The following KCNIP4 variants were observed in gnomAD, a reference collection of about 807,000 sequenced individuals.
KCNIP4 encodes Kv channel-interacting protein 4.
A neutral mutation model predicts 34.0 loss-of-function variants in KCNIP4; 12 were observed. The observed-to-expected ratio is 0.35, with a 90% confidence interval of 0.23 to 0.57. The LOEUF (loss-of-function observed/expected upper bound fraction) is 0.57, where lower values mean the gene tolerates loss of function less well. KCNIP4 is among the 20% of genes least tolerant of loss of function. KCNIP4 has a pLI of 0.83. For synonymous variants in KCNIP4, 124 were observed against 102.2 expected (o/e 1.21, Z -1.29); for missense variants, 238 against 311.7 (o/e 0.76, Z 1.78).
chr4:21,794,207 G>A (rs35937671), intron 1 of KCNIP4, among the ~76,000 whole-genome samples: 11,845 of 152,024 alleles, frequency 0.078, 541 homozygotes, highest in Middle Eastern at 0.14. Flanking sequence ...CACCAACATG[G>A]CATATGCATA....
chr4:21,062,585 C>T (rs1480572969), intron 1 of KCNIP4, among the ~76,000 whole-genome samples: 1 of 151,768 alleles, frequency 6.6e-6, no homozygotes, highest in Non-Finnish European at 1.5e-5. Context: ...GAAACTGGCA[C>T]ACAATTATAG....
chr4:21,791,384 G>T (rs764495337), intron 1 of KCNIP4, among the ~76,000 whole-genome samples: 1 of 152,164 alleles, frequency 6.6e-6, no homozygotes, highest in East Asian at 1.9e-4. Context: ...CACAGGAATT[G>T]CGGGGCAGAA....
chr4:21,393,463 C>G (rs145978084), intron 1 of KCNIP4, among the ~76,000 whole-genome samples: 1 of 152,026 alleles, frequency 6.6e-6, no homozygotes, highest in East Asian at 1.9e-4. Context: ...TGGCACCACC[C>G]ATTTTCAGAA....
intron 1 of KCNIP4, among the ~76,000 whole-genome samples, chr4:21,005,588 C>A (rs1235877655): frequency 6.6e-6 from 1 of 151,772 alleles, no homozygotes; most frequent in South Asian, 2.1e-4. Flanking sequence ...TTTTTTTCTA[C>A]ATATAACCTG....
At chr4:21,260,733 T>C (rs2109103895) in intron 1 of KCNIP4, among the ~76,000 whole-genome samples, 1 of 152,314 alleles carries the variant, frequency 6.6e-6, no homozygotes, top group Non-Finnish European at 1.5e-5. Context: ...GCTTCAGACA[T>C]TCACTGATGA....
At chr4:21,054,908 T>C (rs1471671129) in intron 1 of KCNIP4, among the ~76,000 whole-genome samples, 1 of 152,130 alleles carries the variant, frequency 6.6e-6, no homozygotes, top group Non-Finnish European at 1.5e-5. Context: ...TTGGAAATCA[T>C]TCATATGTTG....
chr4:20,833,152 T>C (rs1246132820), intron 3 of KCNIP4, among the ~76,000 whole-genome samples: 3 of 152,264 alleles, frequency 2.0e-5, no homozygotes, highest in African/African-American at 7.2e-5. Flanking sequence ...TGATATGACC[T>C]ATTACATGTG....
chr4:21,904,072 C>G (rs988022730), intron 1 of KCNIP4, among the ~76,000 whole-genome samples: 1 of 152,102 alleles, frequency 6.6e-6, no homozygotes, highest in African/African-American at 2.4e-5. Flanking sequence ...ATTTTTAAGA[C>G]TGGAAACAGA....
intron 1 of KCNIP4, among the ~76,000 whole-genome samples, chr4:21,295,911 G>A (rs1011977655): frequency 3.6e-5 from 5 of 138,646 alleles, no homozygotes; most frequent in Admixed American, 7.6e-5. Flanking sequence ...AGAGGCACAT[G>A]CAGTTAGTGA....
chr4:21,400,500 T>TCTCTTCTCCCC (rs1560369068), intron 1 of KCNIP4, among the ~76,000 whole-genome samples: 2 of 103,276 alleles, frequency 1.9e-5, no homozygotes, highest in African/African-American at 9.6e-5. Flanking sequence ...CTCCCCTCCC[T>TCTCTTCTCCCC]TCCCCTCCCT....
chr4:21,269,724 C>A (rs1432003345), intron 1 of KCNIP4, among the ~76,000 whole-genome samples: 1 of 152,100 alleles, frequency 6.6e-6, no homozygotes. Context: ...TGGGTGAATA[C>A]TGCCACATCT....
chr4:20,911,739 T>G (rs1416752638), intron 1 of KCNIP4, among the ~76,000 whole-genome samples: 2 of 152,190 alleles, frequency 1.3e-5, no homozygotes, highest in African/African-American at 4.8e-5. Context: ...GGATTCACAC[T>G]CTATTTTAAA....
At chr4:21,623,343 G>A (rs999534170) in intron 1 of KCNIP4, among the ~76,000 whole-genome samples, 31 of 152,130 alleles carry the variant, frequency 2.0e-4, no homozygotes, top group African/African-American at 6.3e-4. Context: ...TGCTTTATAT[G>A]AAAGGAGATT....
intron 1 of KCNIP4, among the ~76,000 whole-genome samples, chr4:21,372,502 T>A (rs1321914306): frequency 6.8e-6 from 1 of 146,946 alleles, no homozygotes; most frequent in Admixed American, 6.6e-5. Context: ...GCTTGTTAAA[T>A]TCAGTTCTGT....
intron 1 of KCNIP4, among the ~76,000 whole-genome samples, chr4:21,808,997 A>T (rs1721465042): frequency 6.6e-6 from 1 of 152,350 alleles, no homozygotes; most frequent in African/African-American, 2.4e-5. Context: ...AATAAAGTCC[A>T]TGATAAATTG....
At chr4:21,089,141 C>A (rs558099590) in intron 1 of KCNIP4, among the ~76,000 whole-genome samples, 1 of 152,214 alleles carries the variant, frequency 6.6e-6, no homozygotes, top group Non-Finnish European at 1.5e-5. Flanking sequence ...GTGTCCCTGC[C>A]CAAATCTTGG....
intron 1 of KCNIP4, among the ~76,000 whole-genome samples, chr4:20,895,103 A>G (rs1726361650): frequency 6.6e-6 from 1 of 152,170 alleles, no homozygotes; most frequent in Admixed American, 6.5e-5. Flanking sequence ...TGACATTCTG[A>G]CTTCTGTACT....
At chr4:20,994,937 A>T (rs977077564) in intron 1 of KCNIP4, among the ~76,000 whole-genome samples, 1 of 152,230 alleles carries the variant, frequency 6.6e-6, no homozygotes, top group African/African-American at 2.4e-5. Flanking sequence ...TTGAAGAGCC[A>T]TAAGACACTT....
chr4:21,154,188 A>G (rs1395605824), intron 1 of KCNIP4, among the ~76,000 whole-genome samples: 1 of 152,134 alleles, frequency 6.6e-6, no homozygotes, highest in Non-Finnish European at 1.5e-5. Context: ...TCTAATATCA[A>G]TTCTCAGTTC....
Sources: allele counts gnomAD v4.1 joint callset (sites outside exome capture counted in the v4.1 genomes callset), GRCh38; gene constraint gnomAD v4.1.1; transcripts MANE v1.5; gene names NCBI Gene and HGNC (gene_info 2026-07-23, HGNC 2026-07-21).